ARHGAP26: variants seen among roughly 807,000 people sequenced by gnomAD.
ARHGAP26 encodes the protein rho GTPase-activating protein 26.
A neutral mutation model predicts 104.8 loss-of-function variants in ARHGAP26; 38 were observed. The ratio of observed to expected loss-of-function variants is 0.36; its 90% CI spans 0.28 to 0.48. The LOEUF (loss-of-function observed/expected upper bound fraction) is 0.48. Among genes scored for constraint, ARHGAP26 ranks in the 20% least tolerant of loss-of-function variants. The pLI, the probability that ARHGAP26 is intolerant of heterozygous loss-of-function variation, is 0.99. For synonymous variants in ARHGAP26, 341 were observed against 340.0 expected (o/e 1.00, Z -0.03); for missense variants, 704 against 947.9 (o/e 0.74, Z 3.38).
intron 1 of ARHGAP26, 149 bp from the exon 2 acceptor site, chr5:142,873,251 T>C (rs1755592656): frequency 1.7e-6 from 1 of 601,606 alleles, no homozygotes; most frequent in Non-Finnish European, 2.9e-6. Context: ...GTGTTGACTA[T>C]TTTGAATTTA....
intron 10 of ARHGAP26, among the ~76,000 whole-genome samples, chr5:142,922,889 C>T (rs947022535): frequency 6.6e-6 from 1 of 152,102 alleles, no homozygotes; most frequent in Non-Finnish European, 1.5e-5. Context: ...GATTAGAGTG[C>T]TGGTCTCAAT....
chr5:143,074,310 A>G (rs1209242415), intron 17 of ARHGAP26, among the ~76,000 whole-genome samples: 1 of 152,138 alleles, frequency 6.6e-6, no homozygotes, highest in African/African-American at 2.4e-5. Context: ...GTAAGGATCC[A>G]CTGACTTTTC....
chr5:143,103,245 C>T, intron 17 of ARHGAP26: 1 of 984,814 alleles, frequency 1.0e-6, no homozygotes, highest in Non-Finnish European at 1.2e-6. Context: ...GGAAAAAGTT[C>T]AATATCATTA....
At chr5:143,211,169 CT>C (rs1055282571) in intron 21 of ARHGAP26, among the ~76,000 whole-genome samples, 5 of 152,108 alleles carry the variant, frequency 3.3e-5, no homozygotes, top group Non-Finnish European at 1.5e-5. Flanking sequence ...GAAGATAAGA[CT>C]TTTTGGGTAG....
intron 1 of ARHGAP26, among the ~76,000 whole-genome samples, chr5:142,837,232 C>T (rs1054169766): frequency 4.6e-5 from 7 of 152,050 alleles, no homozygotes; most frequent in East Asian, 1.9e-4. Context: ...AAAGGGTAGA[C>T]GTCATGAGAA....
chr5:142,937,686 C>A (rs1365098018), intron 11 of ARHGAP26, among the ~76,000 whole-genome samples: 2 of 152,096 alleles, frequency 1.3e-5, no homozygotes, highest in African/African-American at 4.8e-5. Flanking sequence ...ACTGGTACAT[C>A]CATGCAATAG....
chr5:142,771,023 AC>A, intron 1 of ARHGAP26, 108 bp downstream of exon 1: 1 of 1,455,284 alleles, frequency 6.9e-7, no homozygotes, highest in Non-Finnish European at 9.1e-7. Flanking sequence ...CTCCCGGTAC[AC>A]TGGGGGACGG....
rs1755019437 is a variant in ARHGAP26, at chr5:142,770,701, G to A, written c.-61G>A. The A allele has an allele frequency of 1.7e-5, 19 of 1,090,178 alleles. No homozygotes were observed. Among genetic ancestry groups the A allele is most frequent in the Non-Finnish European group, 2.0e-5 (18 of 892,010 alleles). 67.5% of individuals were successfully genotyped at this position (1,090,178 alleles called of 1,614,324 possible). ...CGGGGTCCCGCCGCGTGAGTGCTCT[G>A]GGCGGCGGGCGGCCCGGGCCCCGGC... On this transcript the variant is annotated 5_prime_UTR_variant, in exon 1 of 23. Transcript: ENST00000645722.
intron 20 of ARHGAP26, among the ~76,000 whole-genome samples, chr5:143,190,440 G>A (rs772714667): frequency 1.8e-4 from 28 of 152,084 alleles, no homozygotes; most frequent in Admixed American, 1.6e-3. Flanking sequence ...GGCTCTGTGC[G>A]CCATGGTGGC....
At chr5:143,194,798 A>G (rs1467881640) in intron 20 of ARHGAP26, among the ~76,000 whole-genome samples, 2 of 152,234 alleles carry the variant, frequency 1.3e-5, no homozygotes, top group East Asian at 3.8e-4. Context: ...CAAGTCAATA[A>G]GCTCCTCAGA....
rs977591852 is a variant in ARHGAP26 at position 143,223,857 on chromosome 5, G to A, written c.*1411G>A. ...ATCTTGTGGAAGACTGTCTTGGATGGGGAAGTACTACCTGGAGATTTCAAA... is the reference window on the plus strand; with the variant it reads ...ATCTTGTGGAAGACTGTCTTGGATGAGGAAGTACTACCTGGAGATTTCAAA... On this transcript the variant is annotated 3_prime_UTR_variant, in exon 23 of 23. Coordinates refer to ENST00000645722, the MANE Select transcript of ARHGAP26 (RefSeq NM_001135608.3). 2 of 231,846 alleles carry A rather than the reference G, an allele frequency of 8.6e-6. No individual in the cohort carries two copies. The highest frequency in any genetic ancestry group is 4.4e-5 in the African/African-American group (2 of 45,256). The allele number at this position is 231,846 out of a possible 1,614,324, so 14.4% of individuals were successfully genotyped here. A position where few individuals can be genotyped will look rare whatever the true frequency, so the allele number is the denominator to read the frequency against.
intron 10 of ARHGAP26, chr5:142,921,810 G>A (rs1763228024): frequency 6.6e-6 from 1 of 152,300 alleles, no homozygotes; most frequent in South Asian, 2.1e-4. Flanking sequence ...TCTGAAGGTG[G>A]AACACACTAA....
intron 16 of ARHGAP26, among the ~76,000 whole-genome samples, chr5:143,057,178 T>C (rs752557461): frequency 1.1e-4 from 17 of 152,260 alleles, no homozygotes; most frequent in Non-Finnish European, 2.1e-4. Context: ...TTGAGGATAC[T>C]GGACATTTCC....
At chr5:142,887,716 CTAAAT>C (rs1214745260) in intron 5 of ARHGAP26, among the ~76,000 whole-genome samples, 2 of 152,084 alleles carry the variant, frequency 1.3e-5, no homozygotes, top group Non-Finnish European at 2.9e-5. Flanking sequence ...TGTAACTGAA[CTAAAT>C]TAAACTGTAT....
At chr5:143,096,026 T>A (rs1044811482) in intron 17 of ARHGAP26, among the ~76,000 whole-genome samples, 3 of 152,224 alleles carry the variant, frequency 2.0e-5, no homozygotes, top group African/African-American at 7.2e-5. Flanking sequence ...AAGTGGTAAT[T>A]TTTTAAAAAA....
chr5:142,848,830 A>G (rs1422443375), intron 1 of ARHGAP26, among the ~76,000 whole-genome samples: 1 of 152,200 alleles, frequency 6.6e-6, no homozygotes, highest in Non-Finnish European at 1.5e-5. Context: ...GCTTGTGGGA[A>G]TTAACCAGTG....
At chr5:142,963,175 T>TAC (rs1289890085) in intron 11 of ARHGAP26, among the ~76,000 whole-genome samples, 8 of 92,822 alleles carry the variant, frequency 8.6e-5, no homozygotes, top group African/African-American at 6.4e-4. Flanking sequence ...TATATATGTA[T>TAC]ATATATATAT....
intron 13 of ARHGAP26, among the ~76,000 whole-genome samples, chr5:143,038,923 T>G (rs1783057298): frequency 6.6e-6 from 1 of 152,098 alleles, no homozygotes; most frequent in Non-Finnish European, 1.5e-5. Flanking sequence ...CTCGATCTCC[T>G]GATCTTGTGA....
At chr5:142,975,797 G>T in intron 11 of ARHGAP26, among the ~76,000 whole-genome samples, 1 of 152,198 alleles carries the variant, frequency 6.6e-6, no homozygotes, top group East Asian at 1.9e-4. Context: ...GTCCTGGGTT[G>T]CCTGGAGAGT....
Sources: gnomAD v4.1 joint callset for allele counts (sites outside exome capture counted in the v4.1 genomes callset) on GRCh38, gnomAD v4.1.1 for gene constraint, MANE v1.5 for transcripts, NCBI Gene and HGNC (gene_info 2026-07-23, HGNC 2026-07-21) for gene names.